The following GALNT18 variants were observed in gnomAD, a reference collection of about 807,000 sequenced individuals.
GALNT18 encodes the protein GalNAc-transferase 18.
A neutral mutation model predicts 69.5 loss-of-function variants in GALNT18; 44 were observed. The observed-to-expected ratio is 0.63, with a 90% CI of 0.50 to 0.81. The LOEUF (loss-of-function observed/expected upper bound fraction) is 0.81, where lower values mean the gene tolerates loss of function less well. Among genes scored for constraint, GALNT18 ranks in the 40% least tolerant of loss-of-function variants. The pLI is 0.00. For synonymous variants in GALNT18, 364 were observed against 318.2 expected (o/e 1.14, Z -1.53); for missense variants, 715 against 810.0 (o/e 0.88, Z 1.42).
chr11:11,612,387 C>T (rs1415635806), intron 1 of GALNT18, among the ~76,000 whole-genome samples: 1 of 152,232 alleles, frequency 6.6e-6, no homozygotes, highest in Non-Finnish European at 1.5e-5. Context: ...GCCTGTTGCT[C>T]TTAAAATAAA....
intron 3 of GALNT18, among the ~76,000 whole-genome samples, chr11:11,419,914 G>A (rs1201903803): frequency 6.6e-6 from 1 of 152,118 alleles, no homozygotes; most frequent in Non-Finnish European, 1.5e-5. Context: ...TTCTCTGACG[G>A]CAGGAACAAC....
At chr11:11,380,317 G>T (rs1334961914) in intron 3 of GALNT18, among the ~76,000 whole-genome samples, 1 of 152,192 alleles carries the variant, frequency 6.6e-6, no homozygotes, top group Non-Finnish European at 1.5e-5. Context: ...TTAAGTCCTT[G>T]CTAAGGACTT....
chr11:11,303,972 T>G (rs1849537405), intron 9 of GALNT18, among the ~76,000 whole-genome samples: 1 of 152,234 alleles, frequency 6.6e-6, no homozygotes, highest in Non-Finnish European at 1.5e-5. Flanking sequence ...CCTCTGAAGA[T>G]GGCTCTGTCC....
In GALNT18 at chr11:11,494,438, A is replaced by G. The variant is rs906256081; in HGVS notation, c.236-45502T>C. 2.6e-5 allele frequency among the ~76,000 whole-genome samples: 4 copies of G among 152,218 alleles called. No individual in the cohort carries two copies. Among genetic ancestry groups the G allele is most frequent in the Admixed American group, 6.5e-5 (1 of 15,288 alleles). On this transcript the variant is annotated intron_variant, in intron 1 of 10. Transcript: ENST00000227756. This position sits in a 1 kb window ranked among gnomAD's most constrained non-coding sequence, Gnocchi z 5.7. ...AAGGGGCCATGCCCAGGACTGCCAC[A>G]TCCAAGAGGTTTCACACCATCTTAG...
At chr11:11,374,288 T>A (rs1196980686) in intron 5 of GALNT18, among the ~76,000 whole-genome samples, 2 of 152,188 alleles carry the variant, frequency 1.3e-5, no homozygotes, top group African/African-American at 4.8e-5. Flanking sequence ...GAGCCTCCGA[T>A]TCCATATCTG....
rs1849729821 is a variant in GALNT18 at position 11,315,066 on chromosome 11, G to GTA, written c.1512+12019_1512+12020insTA. 6.7e-6 allele frequency among the ~76,000 whole-genome samples: 1 copy of GTA among 148,516 alleles called. No homozygotes were observed. The highest frequency in any genetic ancestry group is 1.5e-5 in the Non-Finnish European group (1 of 66,984). On this transcript the variant is annotated intron_variant, in intron 9 of 10. Coordinates refer to ENST00000227756, the MANE Select transcript of GALNT18 (RefSeq NM_198516.3). The surrounding 1 kb of genome is among the most constrained non-coding windows in gnomAD (Gnocchi z 5.6). ...TGTGTGTGTGTGTGTGTGTGTGTAT[G>GTA]TGTGTATATATGTGTACATACAGAA...
In GALNT18 at chr11:11,601,786, A is replaced by T. The variant is rs1424678528; in HGVS notation, c.235+19573T>A. Among the ~76,000 whole-genome samples the T allele has an allele frequency of 6.6e-6, 1 of 152,232 alleles. No homozygotes were observed. Among genetic ancestry groups the T allele is most frequent in the African/African-American group, 2.4e-5 (1 of 41,454 alleles). On this transcript the variant is annotated intron_variant, in intron 1 of 10. Coordinates refer to ENST00000227756, the MANE Select transcript of GALNT18 (RefSeq NM_198516.3). This position sits in a 1 kb window ranked among gnomAD's most constrained non-coding sequence, Gnocchi z 4.0. ...TGTGACTTTAAGCAAAATATAACAT[A>T]TAACAAAACCTGTTTTTTTCTCATC...
rs893265947 is a variant in GALNT18 at position 11,435,865 on chromosome 11, C to T, written c.429-3078G>A. On this transcript the variant is annotated intron_variant, in intron 2 of 10. Coordinates refer to ENST00000227756, the MANE Select transcript of GALNT18 (RefSeq NM_198516.3). The surrounding 1 kb of genome is among the most constrained non-coding windows in gnomAD (Gnocchi z 4.4). ...GTGAATGGCCCCAATTCCTCACATT[C>T]GCAGTCTCCAGAAGTGCTCAGTTTC... Among the ~76,000 whole-genome samples, 2 of 152,222 alleles carry T rather than the reference C, an allele frequency of 1.3e-5. No individual in the cohort carries two copies. The highest frequency in any genetic ancestry group is 1.3e-4 in the Admixed American group (2 of 15,278).
At chr11:11,279,141 G>A in intron 10 of GALNT18, among the ~76,000 whole-genome samples, 1 of 152,088 alleles carries the variant, frequency 6.6e-6, no homozygotes, top group Non-Finnish European at 1.5e-5. Context: ...AAAGTGTGTG[G>A]CACCTCCTCT....
At chr11:11,565,785 C>T (rs932663028) in intron 1 of GALNT18, among the ~76,000 whole-genome samples, 1 of 152,170 alleles carries the variant, frequency 6.6e-6, no homozygotes, top group South Asian at 2.1e-4. Flanking sequence ...AAAATCCAGT[C>T]GGTCTTGGGA....
chr11:11,453,041 C>A (rs1444385543), intron 1 of GALNT18, among the ~76,000 whole-genome samples: 1 of 152,180 alleles, frequency 6.6e-6, no homozygotes, highest in Non-Finnish European at 1.5e-5. Flanking sequence ...CCTGCCCTCA[C>A]CCAGCCCTGA....
Position 11,404,308 on chromosome 11 carries a change from C to T in GALNT18, c.596-25044G>A, listed in dbSNP as rs537545565. 6.6e-6 allele frequency among the ~76,000 whole-genome samples: 1 copy of T among 152,344 alleles called. No homozygotes were observed. The highest frequency in any genetic ancestry group is 2.4e-5 in the African/African-American group (1 of 41,590). Reference sequence around the variant, plus strand: ...CCAATGCCTCTGCCTCACCATCCATCTGTGAATAGGGGTAAGACAAGCGGG... The same window carrying T: ...CCAATGCCTCTGCCTCACCATCCATTTGTGAATAGGGGTAAGACAAGCGGG... On this transcript the variant is annotated intron_variant, in intron 3 of 10. Transcript: ENST00000227756. This position sits in a 1 kb window ranked among gnomAD's most constrained non-coding sequence, Gnocchi z 4.5.
At chr11:11,529,255 T>C (rs373671286) in intron 1 of GALNT18, among the ~76,000 whole-genome samples, 76 of 152,346 alleles carry the variant, frequency 5.0e-4, no homozygotes, top group African/African-American at 1.8e-3. Flanking sequence ...AGGGTGTTTT[T>C]GTATGAGATG....
rs1194827111 is a variant in GALNT18, at chr11:11,572,540, G to A, written c.235+48819C>T. 5.9e-5 allele frequency among the ~76,000 whole-genome samples: 9 copies of A among 152,266 alleles called. No homozygotes were observed. The South Asian group carries it at 1.0e-3, about 18-fold the overall frequency. On this transcript the variant is annotated intron_variant, in intron 1 of 10. Coordinates refer to ENST00000227756, the MANE Select transcript of GALNT18 (RefSeq NM_198516.3). ...GGGCATGAGTCAGGGCCCTGGCTCC[G>A]CTACAGTCGCTCCTGGCCAGTGCTG...
rs1003508816 is a variant in GALNT18 at position 11,430,899 on chromosome 11, C to T, written c.595+1722G>A. On this transcript the variant is annotated intron_variant, in intron 3 of 10. Coordinates refer to ENST00000227756, the MANE Select transcript of GALNT18 (RefSeq NM_198516.3). This position sits in a 1 kb window ranked among gnomAD's most constrained non-coding sequence, Gnocchi z 4.9. ...AAGCATGACCAAATTCCTCCATTGC[C>T]CAACTCTGACCCCATCATTCCTCTG... Among the ~76,000 whole-genome samples the T allele has an allele frequency of 3.3e-5, 5 of 152,192 alleles. No individual in the cohort carries two copies. The highest frequency in any genetic ancestry group is 1.5e-5 in the Non-Finnish European group (1 of 68,044).
intron 3 of GALNT18, among the ~76,000 whole-genome samples, chr11:11,427,272 C>T (rs996895678): frequency 1.3e-5 from 2 of 152,162 alleles, no homozygotes; most frequent in Non-Finnish European, 2.9e-5. Flanking sequence ...GGCTTCTGAG[C>T]GAGAGCTAAA....
At chr11:11,554,274 A>G (rs1191933665) in intron 1 of GALNT18, among the ~76,000 whole-genome samples, 1 of 152,122 alleles carries the variant, frequency 6.6e-6, no homozygotes, top group Non-Finnish European at 1.5e-5. Flanking sequence ...CCTTTGCCAC[A>G]GCCTGGCCTT....
intron 1 of GALNT18, among the ~76,000 whole-genome samples, chr11:11,577,648 A>T (rs998264671): frequency 6.6e-6 from 1 of 152,080 alleles, no homozygotes; most frequent in African/African-American, 2.4e-5. Flanking sequence ...TAGGCTCAAC[A>T]CCCCAAATCG....
intron 6 of GALNT18, among the ~76,000 whole-genome samples, chr11:11,345,752 G>C (rs971295100): frequency 2.0e-5 from 3 of 152,150 alleles, no homozygotes; most frequent in Non-Finnish European, 2.9e-5. Context: ...AGAGACGGCA[G>C]GTAGCTGGGT....
Sources: gnomAD v4.1 joint callset for allele counts (sites outside exome capture counted in the v4.1 genomes callset) on GRCh38, gnomAD v4.1.1 for gene constraint, Gnocchi (gnomAD v3.1) non-coding constraint, MANE v1.5 for transcripts, NCBI Gene and HGNC (gene_info 2026-07-23, HGNC 2026-07-21) for gene names.